TCERG1L: variants seen among roughly 807,000 people sequenced by gnomAD.
The protein encoded by TCERG1L is transcription elongation regulator 1-like protein.
Under a neutral mutation model 56.3 loss-of-function variants are expected in TCERG1L, and 37 were observed. That is an observed-to-expected ratio of 0.66 (90% confidence interval 0.51 to 0.87). The LOEUF is 0.87. TCERG1L is among the 40% of genes least tolerant of loss of function. TCERG1L has a pLI of 0.00. For missense variants in TCERG1L, 799 were observed against 774.2 expected, an observed-to-expected ratio of 1.03 and a Z score of -0.38; for synonymous variants, 324 against 326.3, an observed-to-expected ratio of 0.99 and a Z score of 0.08.
At chr10:131,183,684 G>A (rs1845205446) in intron 4 of TCERG1L, among the ~76,000 whole-genome samples, 1 of 152,044 alleles carries the variant, frequency 6.6e-6, no homozygotes, top group South Asian at 2.1e-4. Flanking sequence ...CCCATGCCCC[G>A]CCACTGACTC....
intron 7 of TCERG1L, among the ~76,000 whole-genome samples, chr10:131,143,203 C>T (rs1845756679): frequency 6.6e-6 from 1 of 152,208 alleles, no homozygotes; most frequent in African/African-American, 2.4e-5. Context: ...GCACCTACTG[C>T]ATGGGACTGA....
chr10:131,270,926 G>C (rs542207479), intron 3 of TCERG1L, among the ~76,000 whole-genome samples: 1 of 152,146 alleles, frequency 6.6e-6, no homozygotes, highest in Non-Finnish European at 1.5e-5. Flanking sequence ...GGCTGAAGTC[G>C]TGCCTCATCC....
intron 3 of TCERG1L, among the ~76,000 whole-genome samples, chr10:131,273,129 C>G (rs1322243584): frequency 6.6e-6 from 1 of 152,178 alleles, no homozygotes; most frequent in African/African-American, 2.4e-5. Flanking sequence ...TTCCACTCCC[C>G]GCATCCCTTC....
intron 9 of TCERG1L, among the ~76,000 whole-genome samples, chr10:131,116,442 G>A (rs1015923224): frequency 2.0e-5 from 3 of 152,080 alleles, no homozygotes; most frequent in East Asian, 1.9e-4. Context: ...CCCACCTGCC[G>A]GCCTCTCAGG....
Position 131,103,283 on chromosome 10 carries a change from T to C in TCERG1L, c.1485+982A>G, listed in dbSNP as rs1409262758. Reference sequence around the variant, plus strand: ...AAAATAAATGAGAGGATTAAATCATTGTTTTGACATAATTATCTTTGGCTA... The same window carrying C: ...AAAATAAATGAGAGGATTAAATCATCGTTTTGACATAATTATCTTTGGCTA... On this transcript the variant is annotated intron_variant, in intron 10 of 11. Coordinates refer to ENST00000368642, the MANE Select transcript of TCERG1L (RefSeq NM_174937.4). The surrounding 1 kb of genome is among the most constrained non-coding windows in gnomAD (Gnocchi z 4.3). Among the ~76,000 whole-genome samples, 1 of 152,174 alleles carries C rather than the reference T, an allele frequency of 6.6e-6. No homozygotes were observed. The highest frequency in any genetic ancestry group is 2.4e-5 in the African/African-American group (1 of 41,444).
intron 1 of TCERG1L, among the ~76,000 whole-genome samples, 160 bp from the exon 2 acceptor site, chr10:131,309,459 A>C (rs957722161): frequency 3.5e-4 from 53 of 152,238 alleles, no homozygotes; most frequent in African/African-American, 1.3e-3. Context: ...AGTATGTACC[A>C]ATCAAAGAAA....
At chr10:131,258,478 C>G (rs562615100) in intron 4 of TCERG1L, among the ~76,000 whole-genome samples, 3 of 152,302 alleles carry the variant, frequency 2.0e-5, no homozygotes, top group Admixed American at 1.3e-4. Context: ...CCACACCCAC[C>G]CATGAAGCCT....
At chr10:131,194,836 T>C (rs939506231) in intron 4 of TCERG1L, among the ~76,000 whole-genome samples, 1 of 152,242 alleles carries the variant, frequency 6.6e-6, no homozygotes, top group Non-Finnish European at 1.5e-5. Context: ...TACGGATATC[T>C]GAGTCCCGGA....
intron 9 of TCERG1L, 43 bp downstream of exon 9, chr10:131,116,756 G>C (rs373684170): frequency 1.9e-6 from 3 of 1,542,598 alleles, no homozygotes; most frequent in Non-Finnish European, 1.7e-6. Flanking sequence ...CTGTTCCCCC[G>C]GGTCTGCCGT....
intron 4 of TCERG1L, among the ~76,000 whole-genome samples, chr10:131,196,812 C>T (rs1000228095): frequency 2.0e-5 from 3 of 152,240 alleles, no homozygotes; most frequent in East Asian, 1.9e-4. Context: ...TGTCATCATG[C>T]GCTAGCTGCC....
At chr10:131,255,477 G>A (rs527614003) in intron 4 of TCERG1L, among the ~76,000 whole-genome samples, 15 of 152,358 alleles carry the variant, frequency 9.8e-5, no homozygotes, top group Admixed American at 9.8e-4. Flanking sequence ...GGGGAGCAGT[G>A]ACCTCTGGGG....
At chr10:131,202,375 A>T (rs1485523488) in intron 4 of TCERG1L, among the ~76,000 whole-genome samples, 1 of 152,200 alleles carries the variant, frequency 6.6e-6, no homozygotes, top group Non-Finnish European at 1.5e-5. Flanking sequence ...TGAGGTCAGG[A>T]GTCCGAGACC....
rs575881775 is a variant in TCERG1L, at chr10:131,098,938, T to C, written c.1486-514A>G. ...GTCTCCCAAAAATGACCTTAACTTGTGGAAAGAAAGTAAATTCTGCATCTC... is the reference window on the plus strand; with the variant it reads ...GTCTCCCAAAAATGACCTTAACTTGCGGAAAGAAAGTAAATTCTGCATCTC... On this transcript the variant is annotated intron_variant, in intron 10 of 11. Coordinates refer to ENST00000368642, the MANE Select transcript of TCERG1L (RefSeq NM_174937.4). Among the ~76,000 whole-genome samples, 49 of 152,282 alleles carry C rather than the reference T, an allele frequency of 3.2e-4. No individual in the cohort carries two copies. In the East Asian group the frequency reaches 8.3e-3, roughly 26 times the overall value.
Position 131,163,165 on chromosome 10 carries a change from C to T in TCERG1L, c.991G>A (p.Gly331Ser). ...LGGGEDSTAR[G>S]NRPVASTPVP... ...GGGGTGGAGGCCACTGGCCTGTTGC[C>T]TCTGGCTGTGCTGTCCTCTCCTCCC... Residue 331 changes from glycine to serine, a missense_variant, in exon 6 of 12, where the codon GGC becomes AGC. Physicochemically the swap from Gly to Ser is moderately conservative, Grantham distance 56. Coordinates refer to ENST00000368642, the MANE Select transcript of TCERG1L (RefSeq NM_174937.4). 6.3e-7 allele frequency: 1 copy of T among 1,576,888 alleles called. No individual in the cohort carries two copies. The highest frequency in any genetic ancestry group is 1.2e-5 in the South Asian group (1 of 85,770).
chr10:131,170,058 C>T (rs1332848839), intron 4 of TCERG1L, among the ~76,000 whole-genome samples: 3 of 152,148 alleles, frequency 2.0e-5, no homozygotes, highest in African/African-American at 7.2e-5. Context: ...GTCACAGACA[C>T]ACACCCCGGA....
At chr10:131,110,774 C>T (rs1446895083) in intron 9 of TCERG1L, among the ~76,000 whole-genome samples, 4 of 152,188 alleles carry the variant, frequency 2.6e-5, no homozygotes, top group Admixed American at 2.0e-4. Flanking sequence ...CCAGTGGACG[C>T]GTCAGCCCTG....
At chr10:131,121,895 G>A (rs1845517433) in intron 8 of TCERG1L, among the ~76,000 whole-genome samples, 1 of 152,202 alleles carries the variant, frequency 6.6e-6, no homozygotes, top group Non-Finnish European at 1.5e-5. Flanking sequence ...GTATAGTCTT[G>A]TCTCAGCCTG....
intron 4 of TCERG1L, among the ~76,000 whole-genome samples, chr10:131,242,808 A>G (rs1845987756): frequency 6.6e-6 from 1 of 152,166 alleles, no homozygotes; most frequent in Middle Eastern, 3.2e-3. Flanking sequence ...GTGTTTATTT[A>G]TTGACTCATT....
At chr10:131,142,594 G>A (rs75145342) in intron 7 of TCERG1L, among the ~76,000 whole-genome samples, 3,937 of 152,248 alleles carry the variant, frequency 0.026, 100 homozygotes, top group African/African-American at 0.027. Context: ...TTGAGTGCAC[G>A]GCTGCTGCAG....
Sources: gnomAD v4.1 joint callset for allele counts (sites outside exome capture counted in the v4.1 genomes callset) on GRCh38, gnomAD v4.1.1 for gene constraint, Gnocchi (gnomAD v3.1) non-coding constraint, MANE v1.5 for transcripts, NCBI Gene and HGNC (gene_info 2026-07-23, HGNC 2026-07-21) for gene names.